The following KLF8 variants were observed in gnomAD, a reference collection of about 807,000 sequenced individuals.
KLF8 encodes the protein KLF transcription factor 8, also known as Krueppel-like factor 8.
In KLF8, 10 loss-of-function variants were observed where a neutral mutation model predicts 18.2. The ratio of observed to expected loss-of-function variants is 0.55; its 90% CI spans 0.34 to 0.93. The LOEUF is 0.93. Among genes scored for constraint, KLF8 ranks in the 40% least tolerant of loss-of-function variants. The pLI, the probability that KLF8 is intolerant of heterozygous loss-of-function variation, is 0.02. For missense variants in KLF8, 264 were observed against 277.9 expected (o/e 0.95, Z 0.36); for synonymous variants, 109 against 97.3 (o/e 1.12, Z -0.71).
At chrX:56,175,006 G>T in the KLF8 span, among the ~76,000 whole-genome samples, 7 of 111,317 alleles carry the variant, frequency 6.3e-5, no homozygotes, top group African/African-American at 2.3e-4. Flanking sequence ...TATTAGTCTT[G>T]TCAGCAGTCT....
the KLF8 span, among the ~76,000 whole-genome samples, chrX:56,006,150 G>T: frequency 8.9e-6 from 1 of 112,224 alleles, no homozygotes; most frequent in Admixed American, 9.4e-5. Context: ...TCCACTGCAG[G>T]CATTTCCACA....
chrX:56,150,742 A>C, the KLF8 span, among the ~76,000 whole-genome samples: 1 of 111,161 alleles, frequency 9.0e-6, no homozygotes, highest in Non-Finnish European at 1.9e-5. Context: ...AGTGTCAAAA[A>C]TACCTGTTTC....
chrX:56,012,022 G>A, the KLF8 span, among the ~76,000 whole-genome samples: 3 of 111,536 alleles, frequency 2.7e-5, no homozygotes. Context: ...TCTACCAGAG[G>A]TACAAAGAGG....
the KLF8 span, among the ~76,000 whole-genome samples, chrX:55,954,201 A>G: frequency 9.0e-6 from 1 of 110,974 alleles, no homozygotes; most frequent in South Asian, 3.8e-4. Context: ...TAGTGCTGCA[A>G]TGCACATATT....
chrX:56,219,526 T>G, the KLF8 span, among the ~76,000 whole-genome samples: 4 of 111,569 alleles, frequency 3.6e-5, no homozygotes, highest in Non-Finnish European at 7.5e-5. Context: ...ATGGAAAAAA[T>G]GAAAATAAAA....
chrX:55,913,046 C>T, the KLF8 span, among the ~76,000 whole-genome samples: 1 of 111,646 alleles, frequency 9.0e-6, no homozygotes, highest in Non-Finnish European at 1.9e-5. Context: ...CATTTTTTCC[C>T]TTCTCTAAAT....
intron 2 of KLF8, among the ~76,000 whole-genome samples, chrX:56,261,138 G>A (rs1035565063): frequency 6.3e-5 from 7 of 111,620 alleles, no homozygotes; most frequent in Non-Finnish European, 1.1e-4. Context: ...AGAACCGAAA[G>A]GGTCTCATCT....
chrX:56,094,307 G>T, the KLF8 span, among the ~76,000 whole-genome samples: 1 of 111,227 alleles, frequency 9.0e-6, no homozygotes, highest in Non-Finnish European at 1.9e-5. Context: ...GAAAGTTTTG[G>T]TAAGGATATT....
chrX:55,913,681 G>A, the KLF8 span, among the ~76,000 whole-genome samples: 1 of 111,726 alleles, frequency 9.0e-6, no homozygotes, highest in Non-Finnish European at 1.9e-5. Flanking sequence ...AATTTCCATC[G>A]TTTAAACGAA....
At chrX:56,231,554 G>A (rs746524493), upstream of KLF8, among the ~76,000 whole-genome samples, 7 of 111,405 alleles carry the variant, frequency 6.3e-5, no homozygotes, top group African/African-American at 2.3e-4. Flanking sequence ...TTTGTTTCTT[G>A]TCTCTCTTCT....
chrX:56,065,231 A>T, the KLF8 span, among the ~76,000 whole-genome samples: 11 of 111,751 alleles, frequency 9.8e-5, no homozygotes, highest in South Asian at 4.0e-3. Context: ...TTGAATATTT[A>T]GTCACTTTAT....
At chrX:56,266,449 A>G (rs1219257334) in intron 3 of KLF8, 2 of 711,759 alleles carry the variant, frequency 2.8e-6, no homozygotes, top group Non-Finnish European at 3.3e-6. Context: ...TTTTTTATGT[A>G]TGCCTCCAGA....
the KLF8 span, among the ~76,000 whole-genome samples, chrX:55,952,482 G>C: frequency 3.6e-5 from 4 of 111,832 alleles, no homozygotes; most frequent in African/African-American, 1.3e-4. Flanking sequence ...GCCTCTTCTA[G>C]CTTCCAGAGG....
At chrX:56,152,329 T>C in the KLF8 span, among the ~76,000 whole-genome samples, 2 of 110,722 alleles carry the variant, frequency 1.8e-5, no homozygotes, top group Non-Finnish European at 3.8e-5. Flanking sequence ...TCATTAGATA[T>C]TAGAGATATA....
At chrX:56,021,779 T>C in the KLF8 span, among the ~76,000 whole-genome samples, 14 of 110,605 alleles carry the variant, frequency 1.3e-4, no homozygotes, top group African/African-American at 4.6e-4. Context: ...CTAGTGAAAG[T>C]CTGGAATCCA....
the KLF8 span, among the ~76,000 whole-genome samples, chrX:55,971,900 C>G: frequency 1.8e-5 from 2 of 110,730 alleles, no homozygotes; most frequent in Non-Finnish European, 3.8e-5. Flanking sequence ...ATTTAAAAGA[C>G]AGGAAATAAA....
the KLF8 span, among the ~76,000 whole-genome samples, chrX:56,160,737 G>A: frequency 3.6e-5 from 4 of 110,810 alleles, no homozygotes; most frequent in Admixed American, 3.9e-4. Context: ...TTTTCCATTT[G>A]CTTGGCAGAT....
At chrX:56,062,548 G>A in the KLF8 span, among the ~76,000 whole-genome samples, 2 of 112,282 alleles carry the variant, frequency 1.8e-5, no homozygotes, top group Non-Finnish European at 3.8e-5. Context: ...TCTGCAGAGA[G>A]ATCTGCTGTT....
chrX:56,142,163 T>C, the KLF8 span, among the ~76,000 whole-genome samples: 18 of 111,691 alleles, frequency 1.6e-4, no homozygotes, highest in Non-Finnish European at 3.0e-4. Context: ...AAACTATCTT[T>C]TCGTTTGTTA....
Sources: allele counts gnomAD v4.1 joint callset (sites outside exome capture counted in the v4.1 genomes callset), GRCh38; gene constraint gnomAD v4.1.1; transcripts MANE v1.5; gene names NCBI Gene and HGNC (gene_info 2026-07-23, HGNC 2026-07-21).